The following NUP133 variants were observed in gnomAD, a reference collection of about 807,000 sequenced individuals.
The protein encoded by NUP133 is nucleoporin 133, also known as nuclear pore complex protein Nup133.
Under a neutral mutation model 146.2 loss-of-function variants are expected in NUP133, and 66 were observed. The ratio of observed to expected loss-of-function variants is 0.45; its 90% CI spans 0.37 to 0.55. The LOEUF is 0.55. Among genes scored for constraint, NUP133 ranks in the 20% least tolerant of loss-of-function variants. The pLI is 0.00. For missense variants in NUP133, 1,277 were observed against 1,374.8 expected, an observed-to-expected ratio of 0.93 and a Z score of 1.12; for synonymous variants, 521 against 498.8, an observed-to-expected ratio of 1.04 and a Z score of -0.59.
At position 229,466,676 on chromosome 1, in the gene NUP133, A is replaced by G. The variant is rs775408547; in HGVS notation, c.2157T>C (p.Ile719=). The G allele has an allele frequency of 1.5e-5, 25 of 1,613,918 alleles. No homozygotes were observed. The East Asian group carries it at 5.6e-4, about 36-fold the overall frequency. ...CATTGATCACCACTTCAGCCCATTC[A>G]ATGGAATCCATAGGTGCATCCCTCA... ...QVLRDAPMDS[I]EWAEVVINVN... is the part of the protein sequence containing the mutation. Residue 719 remains isoleucine, a synonymous_variant, in exon 16 of 26, where the codon ATT becomes ATC. Transcript: ENST00000261396.
intron 6 of NUP133, among the ~76,000 whole-genome samples, chr1:229,497,625 T>C (rs1661685752): frequency 6.6e-6 from 1 of 152,192 alleles, no homozygotes; most frequent in Non-Finnish European, 1.5e-5. Flanking sequence ...CGGGAAAGCA[T>C]GCTACCTTAC....
At chr1:229,491,029 T>C (rs543337530) in intron 8 of NUP133, among the ~76,000 whole-genome samples, 1 of 151,670 alleles carries the variant, frequency 6.6e-6, no homozygotes, top group South Asian at 2.1e-4. Flanking sequence ...AAATTATAGC[T>C]CAATAAATCT....
chr1:229,493,231 G>A (rs892715174), intron 8 of NUP133, among the ~76,000 whole-genome samples: 5 of 152,144 alleles, frequency 3.3e-5, no homozygotes, highest in Admixed American at 2.6e-4. Flanking sequence ...AGGGTAGAGC[G>A]CAGTGGTGGG....
chr1:229,467,754 G>C (rs1320268755), intron 15 of NUP133, among the ~76,000 whole-genome samples: 3 of 151,920 alleles, frequency 2.0e-5, no homozygotes. Flanking sequence ...GTGAAACCCT[G>C]TCTCCACTAA....
rs199570629 is a variant in NUP133, at chr1:229,506,743, C to CA, written c.183-586dup. ...GGAACGTGGCAAGACCTTGTCTCTA[C>CA]AAAAAAAATTTTAAATTAGCCGGGC... is the stretch of plus-strand genomic sequence containing the variant. On this transcript the variant is annotated intron_variant, in intron 1 of 25. Transcript: ENST00000261396. 5.2e-5 allele frequency among the ~76,000 whole-genome samples: 7 copies of CA among 133,634 alleles called. No homozygotes were observed. In the South Asian group the frequency reaches 1.0e-3, roughly 19 times the overall value. The allele number at this position is 133,634 out of a possible 152,430, so 87.7% of individuals were successfully genotyped here.
At chr1:229,491,890 G>T (rs990811775) in intron 8 of NUP133, among the ~76,000 whole-genome samples, 2 of 152,098 alleles carry the variant, frequency 1.3e-5, no homozygotes, top group African/African-American at 4.8e-5. Flanking sequence ...GACCAAACAG[G>T]GCAACCCTGT....
At chr1:229,486,593 A>T (rs915870519) in intron 10 of NUP133, 65 bp from the exon 11 acceptor site, 2 of 1,461,216 alleles carry the variant, frequency 1.4e-6, no homozygotes, top group Non-Finnish European at 1.9e-6. Context: ...TGTAAAAGCT[A>T]CCACCCTAAG....
At chr1:229,461,938 C>T (rs1370144758) in intron 19 of NUP133, among the ~76,000 whole-genome samples, 1 of 150,550 alleles carries the variant, frequency 6.6e-6, no homozygotes, top group Non-Finnish European at 1.5e-5. Context: ...GCCTGGAGTG[C>T]AGTGGCACGA....
intron 16 of NUP133, among the ~76,000 whole-genome samples, 167 bp from the exon 17 acceptor site, chr1:229,465,686 T>C (rs1460809201): frequency 6.6e-6 from 1 of 151,956 alleles, no homozygotes; most frequent in East Asian, 1.9e-4. Context: ...GGTAGGAGGA[T>C]TGCTCCTAGC....
intron 15 of NUP133, among the ~76,000 whole-genome samples, chr1:229,468,255 T>C (rs1296471600): frequency 1.3e-5 from 2 of 152,168 alleles, no homozygotes; most frequent in African/African-American, 4.8e-5. Flanking sequence ...TTGATTTTGG[T>C]TAACCAGCTC....
Position 229,506,118 on chromosome 1 carries a change from C to T in NUP133, c.223G>A (p.Glu75Lys), listed in dbSNP as rs906090860. The change falls in exon 2 of 26, where the codon GAG (glutamate) becomes AAG (lysine). Residue 75 changes from glutamate (E) to lysine (K), a missense_variant. Around this residue, in one of 3 missense-constraint regions of NUP133, gnomAD observed 319 missense variants for 306.9 expected, o/e 1.04. Transcript: ENST00000261396. The stretch of plus-strand genomic sequence containing the variant: ...GTTTTCACATCATAGTTCACAGACT[C>T]AGTTATGGAGTGGTGTGGGAACATT... ...TRMFPHHSIT[E>K]SVNYDVKTFG... The T allele has an allele frequency of 1.2e-6, 2 of 1,613,316 alleles. No individual in the cohort carries two copies. Among genetic ancestry groups the T allele is most frequent in the Admixed American group, 3.3e-5 (2 of 60,008 alleles).
At chr1:229,468,799 C>T (rs1248037622) in intron 15 of NUP133, among the ~76,000 whole-genome samples, 1 of 152,138 alleles carries the variant, frequency 6.6e-6, no homozygotes, top group East Asian at 1.9e-4. Context: ...AAAATGACAA[C>T]AACTTGATTT....
At chr1:229,476,679 T>C (rs1661080670) in intron 13 of NUP133, among the ~76,000 whole-genome samples, 1 of 152,158 alleles carries the variant, frequency 6.6e-6, no homozygotes, top group Non-Finnish European at 1.5e-5. Flanking sequence ...ATCCCAGCAC[T>C]TTGGGAGATC....
chr1:229,504,721 T>C (rs1347216639), intron 2 of NUP133, among the ~76,000 whole-genome samples: 1 of 152,200 alleles, frequency 6.6e-6, no homozygotes, highest in African/African-American at 2.4e-5. Flanking sequence ...CAGGACTGAA[T>C]TTTGCATATA....
At chr1:229,444,753 A>G (rs892604225) in intron 25 of NUP133, among the ~76,000 whole-genome samples, 161 bp downstream of exon 25, 4 of 152,130 alleles carry the variant, frequency 2.6e-5, no homozygotes, top group African/African-American at 2.4e-5. Flanking sequence ...GGGCTGAGGC[A>G]GAAGAATTGC....
At chr1:229,479,623 C>T (rs750901880) in intron 12 of NUP133, among the ~76,000 whole-genome samples, 19 of 152,172 alleles carry the variant, frequency 1.2e-4, no homozygotes, top group Non-Finnish European at 2.2e-4. Flanking sequence ...GTCACTGGAG[C>T]AGGGGGTAAG....
At position 229,487,632 on chromosome 1, in the gene NUP133, A is replaced by G. The variant is rs779803456; in HGVS notation, c.1195-19T>C. The stretch of plus-strand genomic sequence containing the variant: ...CTTCAGACTGAAAGTTAAATTTAAG[A>G]TTACATTTAACAAGAAGTAAAACAA... On this transcript the variant is annotated intron_variant, in intron 9 of 25. Transcript: ENST00000261396. 5 of 1,565,360 alleles carry G rather than the reference A, an allele frequency of 3.2e-6. No homozygotes were observed. Among genetic ancestry groups the G allele is most frequent in the Non-Finnish European group, 4.3e-6 (5 of 1,155,242 alleles).
chr1:229,487,724 C>T, intron 9 of NUP133, 111 bp from the exon 10 acceptor site: 1 of 866,026 alleles, frequency 1.2e-6, no homozygotes, highest in South Asian at 1.8e-5. Context: ...CACCAATTCT[C>T]TTTGTAAAAA....
At chr1:229,485,554 C>A (rs1661327815) in intron 11 of NUP133, among the ~76,000 whole-genome samples, 1 of 152,000 alleles carries the variant, frequency 6.6e-6, no homozygotes, top group Non-Finnish European at 1.5e-5. Context: ...AAACCATAAA[C>A]AATATTTACA....
Sources: allele counts gnomAD v4.1 joint callset (sites outside exome capture counted in the v4.1 genomes callset), GRCh38; gene constraint gnomAD v4.1.1; regional missense constraint gnomAD v4.1.1; transcripts MANE v1.5; gene names NCBI Gene and HGNC (gene_info 2026-07-23, HGNC 2026-07-21).